The following SENP7 variants were observed in gnomAD, a reference collection of about 807,000 sequenced individuals.
The protein encoded by SENP7 is sentrin-specific protease 7.
In SENP7, 64 loss-of-function variants were observed where a neutral mutation model predicts 141.2. That is an observed-to-expected ratio of 0.45 (90% CI 0.37 to 0.56). The LOEUF (loss-of-function observed/expected upper bound fraction) is 0.56. Among genes scored for constraint, SENP7 ranks in the 20% least tolerant of loss-of-function variants. The probability of loss-of-function intolerance (pLI) is 0.00; values close to 1 mark genes in which losing one functional copy is unlikely to be tolerated. For missense variants in SENP7, 1,025 were observed against 1,212.2 expected, an observed-to-expected ratio of 0.85 and a Z score of 2.29; for synonymous variants, 382 against 426.4, an observed-to-expected ratio of 0.90 and a Z score of 1.28.
At chr3:101,471,959 C>T (rs906576736) in intron 3 of SENP7, among the ~76,000 whole-genome samples, 3 of 152,234 alleles carry the variant, frequency 2.0e-5, no homozygotes, top group Admixed American at 1.3e-4. Flanking sequence ...GAGATACCAT[C>T]TCACGCCAGT....
chr3:101,511,305 C>A (rs2065846572), intron 1 of SENP7, among the ~76,000 whole-genome samples: 2 of 152,150 alleles, frequency 1.3e-5, no homozygotes, highest in African/African-American at 4.8e-5. Context: ...TAAAAAGGAA[C>A]GTGACTTGTT....
intron 3 of SENP7, among the ~76,000 whole-genome samples, chr3:101,461,048 A>G (rs2063528143): frequency 6.6e-6 from 1 of 152,200 alleles, no homozygotes; most frequent in African/African-American, 2.4e-5. Flanking sequence ...ATTTCTCCAA[A>G]AAACTACACA....
chr3:101,409,102 T>C (rs1385733649), intron 5 of SENP7, among the ~76,000 whole-genome samples: 1 of 152,176 alleles, frequency 6.6e-6, no homozygotes, highest in Non-Finnish European at 1.5e-5. Flanking sequence ...ACAAGATTAA[T>C]GTACATAAAT....
At position 101,492,609 on chromosome 3, in the gene SENP7, G is replaced by A. The variant is rs77182166; in HGVS notation, c.186+1264C>T. ...GACTAATGTCCTTATAAGAAGAAGAGACACTAGGGGTACGTGTGCCCAGAG... is the reference window on the plus strand; with the variant it reads ...GACTAATGTCCTTATAAGAAGAAGAAACACTAGGGGTACGTGTGCCCAGAG... On this transcript the variant is annotated intron_variant, in intron 3 of 23. Coordinates refer to ENST00000394095, the MANE Select transcript of SENP7 (RefSeq NM_020654.5). Among the ~76,000 whole-genome samples, 1,325 of 152,190 alleles carry A rather than the reference G, an allele frequency of 8.7e-3. 21 individuals carry two copies. The highest frequency in any genetic ancestry group is 0.031 in the African/African-American group (1,277 of 41,490).
chr3:101,413,038 AG>A (rs1330646386), intron 5 of SENP7, among the ~76,000 whole-genome samples: 1 of 152,150 alleles, frequency 6.6e-6, no homozygotes, highest in African/African-American at 2.4e-5. Flanking sequence ...ATAAAAGGCA[AG>A]ATACTTAGTT....
intron 4 of SENP7, among the ~76,000 whole-genome samples, chr3:101,433,167 T>C (rs550598619): frequency 3.3e-4 from 50 of 152,226 alleles, no homozygotes; most frequent in African/African-American, 1.2e-3. Context: ...GCTTGTTGTT[T>C]ATGCAAATAG....
intron 4 of SENP7, among the ~76,000 whole-genome samples, chr3:101,438,006 T>TA (rs1389468784): frequency 6.7e-6 from 1 of 150,126 alleles, no homozygotes; most frequent in Admixed American, 6.6e-5. Context: ...AGCAGGAACA[T>TA]AAAATGAGGT....
intron 17 of SENP7, among the ~76,000 whole-genome samples, chr3:101,333,594 A>T (rs1467277510): frequency 6.6e-6 from 1 of 152,196 alleles, no homozygotes; most frequent in East Asian, 1.9e-4. Context: ...TGAGGCTTTT[A>T]TTCTCAGATT....
chr3:101,463,402 T>TATATATATACACAC (rs1553744839), intron 3 of SENP7, among the ~76,000 whole-genome samples: 8 of 101,244 alleles, frequency 7.9e-5, no homozygotes, highest in African/African-American at 2.0e-4. Context: ...TATATACATA[T>TATATATATACACAC]ATATATATAT....
intron 2 of SENP7, 48 bp downstream of exon 2, chr3:101,501,022 T>A: frequency 1.6e-6 from 2 of 1,228,652 alleles, no homozygotes; most frequent in Non-Finnish European, 2.3e-6. Context: ...ATACTTTCAA[T>A]ATCAGTAACT....
At chr3:101,359,774 T>C (rs980746355) in intron 11 of SENP7, among the ~76,000 whole-genome samples, 1 of 152,142 alleles carries the variant, frequency 6.6e-6, no homozygotes, top group Non-Finnish European at 1.5e-5. Flanking sequence ...CGATATATAC[T>C]ATACAGTGAA....
chr3:101,484,956 G>T (rs1180881357), intron 3 of SENP7, among the ~76,000 whole-genome samples: 1 of 152,018 alleles, frequency 6.6e-6, no homozygotes, highest in East Asian at 1.9e-4. Context: ...CATTTTACCT[G>T]GTAGCTGGGT....
chr3:101,330,459 A>G (rs2059020032), intron 19 of SENP7, 73 bp from the exon 20 acceptor site: 1 of 1,025,494 alleles, frequency 9.8e-7, no homozygotes, highest in African/African-American at 1.6e-5. Context: ...AAAAGCTTAA[A>G]ATTATAATTT....
chr3:101,403,883 A>G (rs1036232036), intron 5 of SENP7, among the ~76,000 whole-genome samples: 1 of 152,184 alleles, frequency 6.6e-6, no homozygotes, highest in African/African-American at 2.4e-5. Context: ...AAAGATCTCT[A>G]TAAGGAGAAC....
chr3:101,451,153 A>G (rs1032352240), intron 4 of SENP7, among the ~76,000 whole-genome samples: 3 of 152,232 alleles, frequency 2.0e-5, no homozygotes, highest in Non-Finnish European at 2.9e-5. Context: ...ACACCCTCCC[A>G]AGACTAAATC....
chr3:101,457,199 C>A, intron 4 of SENP7: 1 of 1,342,464 alleles, frequency 7.4e-7, no homozygotes, highest in Non-Finnish European at 1.1e-6. Context: ...ATAGCAGCTC[C>A]CAGTAACTTC....
At chr3:101,463,400 T>TATATATATATATATATATACAC (rs769567759) in intron 3 of SENP7, among the ~76,000 whole-genome samples, 2,157 of 76,636 alleles carry the variant, frequency 0.028, 37 homozygotes, top group Non-Finnish European at 0.041. Flanking sequence ...TATATATACA[T>TATATATATATATATATATACAC]ATATATATAT....
At chr3:101,513,044 C>T (rs1201483082) in intron 1 of SENP7, 47 bp downstream of exon 1, 15 of 1,604,072 alleles carry the variant, frequency 9.4e-6, no homozygotes, top group Admixed American at 5.0e-5. Context: ...TCCCGTTTCC[C>T]CCGGGTAGGA....
At chr3:101,472,323 T>TA (rs200886356) in intron 3 of SENP7, among the ~76,000 whole-genome samples, 42,980 of 151,816 alleles carry the variant, frequency 0.28, 7,190 homozygotes, top group African/African-American at 0.47. Context: ...TATGCAGCCT[T>TA]AAAAAAAATG....
Sources: allele counts gnomAD v4.1 joint callset (sites outside exome capture counted in the v4.1 genomes callset), GRCh38; gene constraint gnomAD v4.1.1; transcripts MANE v1.5; gene names NCBI Gene and HGNC (gene_info 2026-07-23, HGNC 2026-07-21).